NEXN: variants seen among roughly 807,000 people sequenced by gnomAD.
The protein encoded by NEXN is nexilin.
In NEXN, 65 loss-of-function variants were observed where a neutral mutation model predicts 92.6. The observed-to-expected ratio is 0.70, with a 90% CI of 0.57 to 0.86. The LOEUF (loss-of-function observed/expected upper bound fraction) is 0.86. NEXN is among the 40% of genes least tolerant of loss of function. NEXN has a pLI of 0.00. For missense variants in NEXN, 778 were observed against 771.1 expected (o/e 1.01, Z -0.11); for synonymous variants, 254 against 242.5 (o/e 1.05, Z -0.44).
At chr1:77,928,389 A>C (rs1347269850) in intron 8 of NEXN, among the ~76,000 whole-genome samples, 1 of 151,846 alleles carries the variant, frequency 6.6e-6, no homozygotes, top group Non-Finnish European at 1.5e-5. Flanking sequence ...GCTTTCTTGA[A>C]TGATGTTCTA....
At chr1:77,897,754 G>C (rs1486909759) in intron 1 of NEXN, among the ~76,000 whole-genome samples, 1 of 152,222 alleles carries the variant, frequency 6.6e-6, no homozygotes, top group African/African-American at 2.4e-5. Context: ...TGTATATGTA[G>C]AAAACCCCAC....
At chr1:77,941,834 G>A (rs1282210557) in intron 11 of NEXN, 189 bp from the exon 12 acceptor site, 1 of 590,804 alleles carries the variant, frequency 1.7e-6, no homozygotes, top group Non-Finnish European at 3.0e-6. Flanking sequence ...CTAAGAGAAT[G>A]CTTCATAAAT....
intron 11 of NEXN, among the ~76,000 whole-genome samples, chr1:77,939,523 G>C (rs903239088): frequency 6.6e-6 from 1 of 152,208 alleles, no homozygotes; most frequent in African/African-American, 2.4e-5. Flanking sequence ...GCATGCACTT[G>C]CTTCCTTTTG....
intron 3 of NEXN, 57 bp from the exon 4 acceptor site, chr1:77,917,903 A>C (rs1649102585): frequency 1.3e-6 from 2 of 1,498,440 alleles, no homozygotes; most frequent in Non-Finnish European, 1.9e-6. Flanking sequence ...TCTGCATATA[A>C]TGTGATTTAG....
chr1:77,926,856 AGAG>A lies in NEXN; in HGVS notation c.829_831del (p.Glu277del). 2 of 1,614,024 alleles carry A rather than the reference AGAG, an allele frequency of 1.2e-6. No individual in the cohort carries two copies. Among genetic ancestry groups the A allele is most frequent in the Non-Finnish European group, 1.7e-6 (2 of 1,179,998 alleles). ...AGGAAGCAAGAAAACGTTTAGAAGA[AGAG>A]AAGCGTGCTTTTGAAGAAGCAAGGC... On this transcript the variant is annotated inframe_deletion, in exon 8 of 13. Coordinates refer to ENST00000334785, the MANE Select transcript of NEXN (RefSeq NM_144573.4).
intron 1 of NEXN, among the ~76,000 whole-genome samples, chr1:77,909,468 T>A (rs1309802116): frequency 6.6e-6 from 1 of 151,994 alleles, no homozygotes; most frequent in African/African-American, 2.4e-5. Flanking sequence ...ACAGGTAACT[T>A]TAGATATGAT....
At chr1:77,936,854 C>G (rs1361191679) in intron 11 of NEXN, among the ~76,000 whole-genome samples, 1 of 152,066 alleles carries the variant, frequency 6.6e-6, no homozygotes, top group African/African-American at 2.4e-5. Flanking sequence ...TCAGAGGAGA[C>G]TGAATAAAAG....
chr1:77,905,098 C>T (rs974675275), intron 1 of NEXN, among the ~76,000 whole-genome samples: 1 of 151,848 alleles, frequency 6.6e-6, no homozygotes, highest in Non-Finnish European at 1.5e-5. Flanking sequence ...CCTGTCTCTA[C>T]TAAAAATACA....
intron 1 of NEXN, among the ~76,000 whole-genome samples, chr1:77,902,059 T>C (rs1297393122): frequency 1.3e-5 from 2 of 152,234 alleles, no homozygotes; most frequent in Non-Finnish European, 2.9e-5. Flanking sequence ...CGTTATTATT[T>C]ATGTAGTAGC....
At chr1:77,905,207 A>C (rs1324699740) in intron 1 of NEXN, among the ~76,000 whole-genome samples, 4 of 151,796 alleles carry the variant, frequency 2.6e-5, no homozygotes, top group African/African-American at 4.8e-5. Flanking sequence ...GGTTGCAGTG[A>C]GCAGAGATTG....
chr1:77,928,958 C>T (rs763608213), intron 8 of NEXN, among the ~76,000 whole-genome samples: 4 of 152,264 alleles, frequency 2.6e-5, no homozygotes, highest in Middle Eastern at 3.4e-3. Flanking sequence ...TGCTATGTTG[C>T]CCAGGCTGGT....
chr1:77,899,402 G>A (rs1447207808), intron 1 of NEXN, among the ~76,000 whole-genome samples: 14 of 151,868 alleles, frequency 9.2e-5, no homozygotes, highest in African/African-American at 2.2e-4. Context: ...GCAAACTATC[G>A]CAAGGACAAA....
chr1:77,922,601 C>CT (rs570526406), intron 5 of NEXN, among the ~76,000 whole-genome samples: 7,805 of 140,250 alleles, frequency 0.056, 259 homozygotes, highest in East Asian at 0.11. Flanking sequence ...CAAAATTATT[C>CT]TTTTTTTTTT....
intron 5 of NEXN, among the ~76,000 whole-genome samples, chr1:77,923,538 T>C (rs1291887733): frequency 6.6e-6 from 1 of 152,138 alleles, no homozygotes; most frequent in South Asian, 2.1e-4. Flanking sequence ...TTGCTTTTGT[T>C]TTCTTTTCCT....
intron 11 of NEXN, among the ~76,000 whole-genome samples, chr1:77,940,884 G>C (rs1474001326): frequency 1.3e-5 from 2 of 152,060 alleles, no homozygotes; most frequent in African/African-American, 2.4e-5. Context: ...GGTAAATAAT[G>C]GCACAAAATA....
intron 6 of NEXN, among the ~76,000 whole-genome samples, chr1:77,925,628 T>TAA (rs1649785334): frequency 6.6e-6 from 1 of 152,182 alleles, no homozygotes; most frequent in Non-Finnish European, 1.5e-5. Flanking sequence ...GGTTTTTATA[T>TAA]AATAGTACAG....
intron 9 of NEXN, among the ~76,000 whole-genome samples, chr1:77,931,246 AAAAAAAAAAAAAAAAAAAT>A (rs1006206330): frequency 7.2e-5 from 1 of 13,802 alleles, no homozygotes; most frequent in East Asian, 4.5e-3. Context: ...AAAAAAAAAA[AAAAAAAAAAAAAAAAAAAT>A]TAGCCGGGCG....
chr1:77,933,196 A>G, intron 9 of NEXN, 86 bp from the exon 10 acceptor site: 1 of 931,662 alleles, frequency 1.1e-6, no homozygotes, highest in South Asian at 1.5e-5. Flanking sequence ...ACAAACAAAA[A>G]AAAGAAATCC....
intron 1 of NEXN, among the ~76,000 whole-genome samples, chr1:77,902,354 T>C (rs573244716): frequency 2.6e-4 from 40 of 152,324 alleles, no homozygotes; most frequent in South Asian, 4.1e-4. Flanking sequence ...AACTTTTCAT[T>C]ACTTTATTAA....
Sources: allele counts gnomAD v4.1 joint callset (sites outside exome capture counted in the v4.1 genomes callset), GRCh38; gene constraint gnomAD v4.1.1; transcripts MANE v1.5; gene names NCBI Gene and HGNC (gene_info 2026-07-23, HGNC 2026-07-21).